KANTR: variants seen among roughly 807,000 people sequenced by gnomAD.
KANTR encodes KDM5C adjacent transcript.
chrX:53,097,359 T>TTTTTTG (rs1300267990), intron 1 of KANTR, among the ~76,000 whole-genome samples: 1 of 89,419 alleles, frequency 1.1e-5, no homozygotes, highest in Admixed American at 1.3e-4. Context: ...AGTTTTTTTT[T>TTTTTTG]TTTTTTTTTT....
At chrX:53,139,942 A>G (rs1321783963) in intron 2 of KANTR, among the ~76,000 whole-genome samples, 1 of 112,792 alleles carries the variant, frequency 8.9e-6, no homozygotes, top group African/African-American at 3.2e-5. Flanking sequence ...AAATTAGCCA[A>G]AGCATACAAT....
chrX:53,115,732 G>A (rs1933114489), intron 2 of KANTR, among the ~76,000 whole-genome samples: 1 of 112,806 alleles, frequency 8.9e-6, no homozygotes, highest in Non-Finnish European at 1.9e-5. Flanking sequence ...TTTTCCCACT[G>A]CACTGCCTGG....
At chrX:53,116,341 A>T (rs1367816247) in intron 2 of KANTR, among the ~76,000 whole-genome samples, 2 of 112,220 alleles carry the variant, frequency 1.8e-5, no homozygotes, top group Non-Finnish European at 3.8e-5. Flanking sequence ...TTGTACTTGC[A>T]CAGGGCCTCG....
intron 2 of KANTR, among the ~76,000 whole-genome samples, chrX:53,109,339 C>T (rs1556813328): frequency 8.9e-6 from 1 of 112,336 alleles, no homozygotes; most frequent in African/African-American, 3.2e-5. Context: ...CTGGAGTATG[C>T]AGTGGCGCGA....
At chrX:53,103,878 G>A (rs1303554996) in intron 2 of KANTR, among the ~76,000 whole-genome samples, 3 of 110,945 alleles carry the variant, frequency 2.7e-5, no homozygotes, top group African/African-American at 9.8e-5. Flanking sequence ...CTCCCCTTTG[G>A]CACTCCATCC....
intron 2 of KANTR, among the ~76,000 whole-genome samples, chrX:53,140,391 C>G (rs1229355907): frequency 1.8e-5 from 2 of 108,857 alleles, no homozygotes; most frequent in African/African-American, 6.7e-5. Flanking sequence ...ATCCCAGCTA[C>G]TCAGGAGGCT....
At chrX:53,120,060 A>G (rs1188312720) in intron 2 of KANTR, among the ~76,000 whole-genome samples, 2 of 108,378 alleles carry the variant, frequency 1.8e-5, no homozygotes, top group African/African-American at 6.8e-5. Flanking sequence ...TATTTGAGAC[A>G]GGGTCTTGCT....
In KANTR at chrX:53,112,522, G is replaced by GT. The variant is rs782090848; in HGVS notation, c.-804-10941dup. ...CTGGTACAGTCTTTTTGATTGGAAG[G>GT]TTTTTTCCTTCAGCACACTGAATAG... On this transcript the variant is annotated intron_variant, in intron 2 of 2. Transcript: ENST00000604062. 1.8e-3 allele frequency among the ~76,000 whole-genome samples: 204 copies of GT among 111,965 alleles called. 2 individuals are homozygous for GT. In the Middle Eastern group the frequency reaches 0.032, roughly 18 times the overall value.
downstream of KANTR, chrX:53,143,914 T>C: frequency 2.7e-6 from 1 of 375,056 alleles, no homozygotes; most frequent in Non-Finnish European, 5.0e-6. Flanking sequence ...CTATTTCCAT[T>C]GCAACCTGTG....
downstream of KANTR, among the ~76,000 whole-genome samples, chrX:53,145,481 T>A (rs1018721682): frequency 1.8e-5 from 2 of 111,680 alleles, no homozygotes; most frequent in African/African-American, 6.5e-5. Flanking sequence ...TGCTGAGGCT[T>A]GAGTAGGTAA....
At position 53,095,695 on chromosome X, in the gene KANTR, G is replaced by C. The variant is rs959542777; in HGVS notation, c.-942+1411G>C. Among the ~76,000 whole-genome samples, 4 of 111,136 alleles carry C rather than the reference G, an allele frequency of 3.6e-5. No homozygotes were observed. In the South Asian group the frequency reaches 1.5e-3, roughly 42 times the overall value. On this transcript the variant is annotated intron_variant, in intron 1 of 2. Transcript: ENST00000604062. The stretch of plus-strand genomic sequence containing the variant: ...AAATGGTCTTACACTTAATGATAGT[G>C]ACAGCTACATGTGTGTTGATTGGTG...
downstream of KANTR, among the ~76,000 whole-genome samples, chrX:53,147,358 A>G (rs1035775314): frequency 2.0e-4 from 22 of 111,438 alleles, no homozygotes; most frequent in Non-Finnish European, 3.2e-4. Context: ...ACAAAGATCA[A>G]AGGAGACAAA....
At chrX:53,133,316 G>A (rs1556817253) in intron 2 of KANTR, among the ~76,000 whole-genome samples, 8 of 107,903 alleles carry the variant, frequency 7.4e-5, no homozygotes, top group Admixed American at 1.0e-4. Context: ...GCAGTGAACC[G>A]AGATTGTACC....
At chrX:53,107,785 C>G (rs1209782155) in intron 2 of KANTR, among the ~76,000 whole-genome samples, 1 of 110,555 alleles carries the variant, frequency 9.0e-6, no homozygotes, top group Non-Finnish European at 1.9e-5. Flanking sequence ...GAGACAAGGT[C>G]TTGCTCTGTT....
At chrX:53,133,786 A>AT (rs782706424) in intron 2 of KANTR, among the ~76,000 whole-genome samples, 1 of 111,513 alleles carries the variant, frequency 9.0e-6, no homozygotes, top group African/African-American at 3.3e-5. Flanking sequence ...TCTGGTCCAC[A>AT]TAACAGCCCT....
chrX:53,136,821 G>A (rs919563185), intron 2 of KANTR, among the ~76,000 whole-genome samples: 15 of 90,051 alleles, frequency 1.7e-4, no homozygotes, highest in East Asian at 3.6e-4. Context: ...TCGGCTTACC[G>A]CAACCTCCCT....
intron 2 of KANTR, among the ~76,000 whole-genome samples, chrX:53,135,820 A>AT (rs1477102409): frequency 9.0e-6 from 1 of 111,668 alleles, no homozygotes; most frequent in African/African-American, 3.3e-5. Flanking sequence ...GCTGCTTAGG[A>AT]TGCTCCCATT....
intron 2 of KANTR, among the ~76,000 whole-genome samples, chrX:53,102,764 A>G (rs1932905440): frequency 9.0e-6 from 1 of 111,283 alleles, no homozygotes; most frequent in Non-Finnish European, 1.9e-5. Context: ...ATACACCCAT[A>G]TCTGCCCATC....
downstream of KANTR, among the ~76,000 whole-genome samples, chrX:53,130,642 A>G (rs1302957211): frequency 8.9e-6 from 1 of 112,488 alleles, no homozygotes; most frequent in Non-Finnish European, 1.9e-5. Flanking sequence ...ATTTAGAATA[A>G]TACATGGCAT....
Sources: gnomAD v4.1 joint callset for allele counts (sites outside exome capture counted in the v4.1 genomes callset) on GRCh38, gnomAD v4.1.1 for gene constraint, MANE v1.5 for transcripts, NCBI Gene and HGNC (gene_info 2026-07-23, HGNC 2026-07-21) for gene names.